NUDC: variants seen among roughly 807,000 people sequenced by gnomAD.
NUDC encodes nuclear distribution C, dynein complex regulator, also known as nuclear migration protein nudC.
A neutral mutation model predicts 45.0 loss-of-function variants in NUDC; 14 were observed. The observed-to-expected ratio is 0.31, with a 90% confidence interval of 0.21 to 0.49. NUDC has a LOEUF of 0.49. NUDC is among the 20% of genes least tolerant of loss of function. NUDC has a pLI of 0.99. For synonymous variants in NUDC, 153 were observed against 156.7 expected (o/e 0.98, Z 0.17); for missense variants, 323 against 426.2 (o/e 0.76, Z 2.13).
At chr1:26,935,148 A>AT (rs1343459252) in intron 2 of NUDC, among the ~76,000 whole-genome samples, 1 of 151,076 alleles carries the variant, frequency 6.6e-6, no homozygotes, top group East Asian at 2.0e-4. Context: ...CGCCTGGCTA[A>AT]TTTTTGTATT....
At chr1:26,945,732 G>T (rs377178670) in intron 8 of NUDC, 46 bp downstream of exon 8, 4 of 1,406,248 alleles carry the variant, frequency 2.8e-6, no homozygotes, top group Non-Finnish European at 4.0e-6. Flanking sequence ...GTGCCTGGGG[G>T]CTTAGACTTC....
chr1:26,944,270 G>C (rs1305906712), intron 6 of NUDC, among the ~76,000 whole-genome samples: 1 of 152,002 alleles, frequency 6.6e-6, no homozygotes, highest in South Asian at 2.1e-4. Flanking sequence ...ATGCAGTGGC[G>C]CAATCACGGC....
intron 2 of NUDC, among the ~76,000 whole-genome samples, chr1:26,906,934 A>AGCCTG (rs1298849339): frequency 3.3e-5 from 5 of 152,216 alleles, no homozygotes; most frequent in Non-Finnish European, 2.9e-5. Context: ...GAGCACCCAC[A>AGCCTG]GCCTGGGGTT....
chr1:26,924,063 A>T (rs1159114377), intron 1 of NUDC, 26 bp from the exon 2 acceptor site: 2 of 1,610,750 alleles, frequency 1.2e-6, no homozygotes, highest in Non-Finnish European at 1.7e-6. Context: ...CAGCTCTACT[A>T]CTTTAATCTT....
intron 2 of NUDC, among the ~76,000 whole-genome samples, chr1:26,908,104 G>A (rs376006427): frequency 4.6e-5 from 7 of 152,098 alleles, no homozygotes; most frequent in East Asian, 1.9e-4. Flanking sequence ...GCTTGAACCC[G>A]GGAGGCGGAG....
intron 3 of NUDC, chr1:26,911,571 G>A (rs1253952071): frequency 1.0e-5 from 5 of 488,596 alleles, no homozygotes; most frequent in Non-Finnish European, 1.1e-5. Context: ...CCAATAAGCA[G>A]CCTAAGCTTT....
intron 2 of NUDC, among the ~76,000 whole-genome samples, chr1:26,929,979 G>A (rs1487931601): frequency 5.9e-5 from 9 of 152,058 alleles, no homozygotes; most frequent in Admixed American, 1.3e-4. Context: ...AGTCGAGATC[G>A]CACCACTGCA....
intron 3 of NUDC, among the ~76,000 whole-genome samples, chr1:26,916,138 G>A (rs1267919681): frequency 6.6e-6 from 1 of 151,816 alleles, no homozygotes; most frequent in South Asian, 2.1e-4. Context: ...TGTAATCACA[G>A]CACTTTGGGA....
In NUDC at chr1:26,924,043, C is replaced by T. The variant is rs772431656; in HGVS notation, c.82-46C>T. 5 of 1,569,826 alleles carry T rather than the reference C, an allele frequency of 3.2e-6. No individual in the cohort carries two copies. The African/African-American group carries it at 5.4e-5, about 17-fold the overall frequency. On this transcript the variant is annotated intron_variant, in intron 1 of 8. Transcript: ENST00000321265. ...AGTTGACTTGTGTGCAGTTGAAGGG[C>T]TCCCAAATGCAGCTCTACTACTTTA...
rs2082317919 is a variant in NUDC at position 26,946,368 on chromosome 1, T to C, written c.*187T>C. The C allele has an allele frequency of 6.2e-6, 4 of 649,212 alleles. No individual in the cohort carries two copies. The highest frequency in any genetic ancestry group is 1.1e-5 in the Non-Finnish European group (4 of 359,048). 40.2% of individuals were successfully genotyped at this position (649,212 alleles called of 1,614,324 possible). A position where few individuals can be genotyped will look rare whatever the true frequency, so the allele number is the denominator to read the frequency against. ...ACCTTGTCCTCCCCAGTTGGCCTACTGTTACACATTAAAACGATTTGCCCA... is the reference window on the plus strand; with the variant it reads ...ACCTTGTCCTCCCCAGTTGGCCTACCGTTACACATTAAAACGATTTGCCCA... On this transcript the variant is annotated 3_prime_UTR_variant, in exon 9 of 9. Coordinates refer to ENST00000321265, the MANE Select transcript of NUDC (RefSeq NM_006600.4).
rs71010306 is a variant in NUDC at position 26,927,187 on chromosome 1, C to CGTGTGTGTGTGTGTGTGTGTGTGT, written c.159+3035_159+3036insGTGTGTGTGTGTGTGTGTGTGTGT. Among the ~76,000 whole-genome samples the CGTGTGTGTGTGTGTGTGTGTGTGT allele has an allele frequency of 1.1e-3, 142 of 126,790 alleles. 11 individuals carry two copies. Among genetic ancestry groups the CGTGTGTGTGTGTGTGTGTGTGTGT allele is most frequent in the African/African-American group, 4.5e-3 (135 of 30,108 alleles). 83.2% of individuals were successfully genotyped at this position (126,790 alleles called of 152,430 possible). On this transcript the variant is annotated intron_variant, in intron 2 of 8. Transcript: ENST00000321265. ...GCTGTAAGAAGGGAGAGAGATGAAC[C>CGTGTGTGTGTGTGTGTGTGTGTGT]GTGTGTGTGTGTGTCAGGGTCTTGC...
chr1:26,901,397 C>CTTTTTT (rs34988488), intron 1 of NUDC, among the ~76,000 whole-genome samples: 41 of 73,604 alleles, frequency 5.6e-4, no homozygotes, highest in Non-Finnish European at 6.6e-4. Flanking sequence ...GCCTTTTTGT[C>CTTTTTT]TTTTTTTTTT....
rs1352012524 is a variant in NUDC, at chr1:26,931,177, C to T, written c.159+7011C>T. On this transcript the variant is annotated intron_variant, in intron 2 of 8. Transcript: ENST00000321265. ...ACTGCAACCTCTGCCTCCCAGGTTC[C>T]AGCAGTTCTCCCACCTCAGCCTCCC... 9.8e-5 allele frequency among the ~76,000 whole-genome samples: 14 copies of T among 143,262 alleles called. No homozygotes were observed. The East Asian group carries it at 3.2e-3, about 32-fold the overall frequency. 94.0% of individuals were successfully genotyped at this position (143,262 alleles called of 152,430 possible).
rs778827199 is a variant in NUDC, at chr1:26,941,805, C to T, written c.416C>T (p.Ser139Phe). ...CAGCTCAAGAACGGCAGCCTTGACT[C>T]CCCAGGGAAGCAGGTGAGATGGACT... ...EAQLKNGSLD[S>F]PGKQDTEEDE... is the part of the protein sequence containing the mutation. Residue 139 changes from serine to phenylalanine, a missense_variant, in exon 4 of 9, where the codon TCC becomes TTC. By Grantham distance (155) the Ser-to-Phe change is radical. Transcript: ENST00000321265. 13 of 1,612,986 alleles carry T rather than the reference C, an allele frequency of 8.1e-6. No individual in the cohort carries two copies. In the Admixed American group the frequency reaches 2.2e-4, roughly 27 times the overall value.
At chr1:26,900,909 A>G (rs1382374300) in intron 1 of NUDC, among the ~76,000 whole-genome samples, 2 of 152,206 alleles carry the variant, frequency 1.3e-5, no homozygotes, top group Non-Finnish European at 2.9e-5. Context: ...CCAATTTACA[A>G]TGAAAGTGCT....
chr1:26,927,405 T>C (rs1192774473), intron 2 of NUDC, among the ~76,000 whole-genome samples: 3 of 150,402 alleles, frequency 2.0e-5, no homozygotes, highest in Non-Finnish European at 4.5e-5. Context: ...TTTTCTTTTT[T>C]TTTTTTTTTT....
In NUDC at chr1:26,907,481, A is replaced by G. The variant is rs900019905; in HGVS notation, c.-15-3647A>G. On this transcript the variant is annotated intron_variant, in intron 2 of 6. Coordinates refer to the NUDC transcript ENST00000435827. ...TTGGTACAAATGGAGGTTGAGAGAC[A>G]TTGAGTGATAGAATGAATTAATGGA... Among the ~76,000 whole-genome samples, 7 of 152,200 alleles carry G rather than the reference A, an allele frequency of 4.6e-5. No individual in the cohort carries two copies. The East Asian group carries it at 1.2e-3, about 25-fold the overall frequency.
At chr1:26,901,205 C>T (rs771034628) in intron 1 of NUDC, among the ~76,000 whole-genome samples, 2 of 151,974 alleles carry the variant, frequency 1.3e-5, no homozygotes, top group Non-Finnish European at 2.9e-5. Flanking sequence ...CTCGCTCTGT[C>T]GCCCAGGCTG....
chr1:26,922,100 C>T (rs1046448349), intron 1 of NUDC, 171 bp downstream of exon 1: 1 of 681,048 alleles, frequency 1.5e-6, no homozygotes, highest in Non-Finnish European at 2.5e-6. Context: ...AGGTCTCACC[C>T]GGTTCGCATC....
Sources: allele counts gnomAD v4.1 joint callset (sites outside exome capture counted in the v4.1 genomes callset), GRCh38; gene constraint gnomAD v4.1.1; transcripts MANE v1.5; gene names NCBI Gene and HGNC (gene_info 2026-07-23, HGNC 2026-07-21).